Variants in LY6H observed in about 807,000 individuals in gnomAD.
The protein encoded by LY6H is lymphocyte antigen 6H.
Under a neutral mutation model 14.6 loss-of-function variants are expected in LY6H, and 8 were observed. That is an observed-to-expected ratio of 0.55 (90% CI 0.32 to 0.99). The LOEUF (loss-of-function observed/expected upper bound fraction) is 0.99. LY6H is among the 50% of genes least tolerant of loss of function. LY6H has a pLI of 0.04. For missense variants in LY6H, 196 were observed against 219.6 expected (o/e 0.89, Z 0.68); for synonymous variants, 115 against 97.2 (o/e 1.18, Z -1.08).
chr8:143,160,110 T>A, intron 1 of LY6H, 88 bp downstream of exon 1: 1 of 1,123,524 alleles, frequency 8.9e-7, no homozygotes, highest in South Asian at 4.4e-5. Flanking sequence ...CCGGGCCGAG[T>A]CCCCTCCCTT....
Position 143,158,022 on chromosome 8 carries a change from C to T in LY6H, c.*228G>A. 1 of 524,952 alleles carries T rather than the reference C, an allele frequency of 1.9e-6. No individual in the cohort carries two copies. The highest frequency in any genetic ancestry group is 3.3e-6 in the Non-Finnish European group (1 of 300,090). 32.5% of individuals were successfully genotyped at this position (524,952 alleles called of 1,614,324 possible). A position where few individuals can be genotyped will look rare whatever the true frequency, so the allele number is the denominator to read the frequency against. On this transcript the variant is annotated 3_prime_UTR_variant, in exon 4 of 4. Coordinates refer to ENST00000342752, the MANE Select transcript of LY6H (RefSeq NM_001135655.2). ...GGGGGTCCCCCCCCACCCTCATCCC[C>T]AGGCCTCCTGCCCAGATGGCCTGGT...
intron 1 of LY6H, chr8:143,159,956 G>C: frequency 8.1e-7 from 1 of 1,238,810 alleles, no homozygotes. Flanking sequence ...GAGCGGATGG[G>C]GGGCGTCCTC....
intron 3 of LY6H, 85 bp from the exon 4 acceptor site, chr8:143,158,570 G>A (rs1057111036): frequency 6.9e-6 from 9 of 1,299,542 alleles, no homozygotes; most frequent in East Asian, 2.3e-5. Flanking sequence ...AGGCCCCTCC[G>A]GGTCAGCTCG....
Position 143,158,463 on chromosome 8 carries a change from G to T in LY6H, c.273C>A (p.Asn91Lys). ...AGTCACAGGAGGAGGCACACATCTT[G>T]TTCACCGAGTGATCCTTCCTGCCTG... ...PSSSRKDHSVNKMCASSCDFV... is the reference protein window; with the variant it reads ...PSSSRKDHSVKKMCASSCDFV... The change falls in exon 4 of 4, where the codon AAC becomes AAA. Residue 91 changes from asparagine to lysine, a missense_variant. Asn to Lys is a moderately conservative substitution (Grantham distance 94, BLOSUM62 0). Coordinates refer to ENST00000342752, the MANE Select transcript of LY6H (RefSeq NM_001135655.2). The T allele has an allele frequency of 2.5e-6, 4 of 1,613,610 alleles. No homozygotes were observed. The highest frequency in any genetic ancestry group is 3.4e-6 in the Non-Finnish European group (4 of 1,179,664).
At position 143,158,104 on chromosome 8, in the gene LY6H, T is replaced by C. The variant is rs924612640; in HGVS notation, c.*146A>G. The C allele has an allele frequency of 8.2e-6, 5 of 606,092 alleles. No homozygotes were observed. The highest frequency in any genetic ancestry group is 1.5e-5 in the Non-Finnish European group (5 of 343,050). 37.5% of individuals were successfully genotyped at this position (606,092 alleles called of 1,614,324 possible). A position where few individuals can be genotyped will look rare whatever the true frequency, so the allele number is the denominator to read the frequency against. ...GAGCTGGCGGAGAGACAGGGAGGCT[T>C]CACGTCGGGGGAGGAGTGAGAGCCA... On this transcript the variant is annotated 3_prime_UTR_variant, in exon 4 of 4. Transcript: ENST00000342752.
rs1301415135 is a variant in LY6H at position 143,160,295 on chromosome 8, C to T, written c.-96G>A. 43 of 1,075,556 alleles carry T rather than the reference C, an allele frequency of 4.0e-5. No homozygotes were observed. Among genetic ancestry groups the T allele is most frequent in the Non-Finnish European group, 4.7e-5 (40 of 843,480 alleles). 66.6% of individuals were successfully genotyped at this position (1,075,556 alleles called of 1,614,324 possible). On this transcript the variant is annotated 5_prime_UTR_variant, in exon 1 of 4. Transcript: ENST00000342752. ...GCGGACCGGAATCCGGGCGCAGCCT[C>T]GTCTTTCGGGGAACGCAGCCGCAGA...
intron 2 of LY6H, chr8:143,159,357 G>A: frequency 1.8e-6 from 1 of 568,170 alleles, no homozygotes; most frequent in Non-Finnish European, 3.0e-6. Context: ...TGCGGGGCCA[G>A]CCGCCCACCA....
At position 143,158,366 on chromosome 8, in the gene LY6H, C is replaced by G. The variant is rs1255219368; in HGVS notation, c.370G>C (p.Asp124His). 1 of 1,613,924 alleles carries G rather than the reference C, an allele frequency of 6.2e-7. No individual in the cohort carries two copies. The highest frequency in any genetic ancestry group is 1.1e-5 in the South Asian group (1 of 91,084). The change falls in exon 4 of 4, where the codon GAC (aspartate) becomes CAC (histidine). Residue 124 changes from aspartate to histidine, a missense_variant. Transcript: ENST00000342752. ...TTGCACAAATCCTTCTCGCAGCAGT[C>G]CACGTCGACCTTTAAGATCCCAGAG... Reference protein sequence around the residue: ...INSGILKVDVDCCEKDLCNGA... With the variant: ...INSGILKVDVHCCEKDLCNGA...
At chr8:143,158,677 A>T in intron 3 of LY6H, 126 bp downstream of exon 3, 1 of 1,308,112 alleles carries the variant, frequency 7.6e-7, no homozygotes, top group Non-Finnish European at 1.1e-6. Flanking sequence ...ACAGCAGGAC[A>T]GTATCCTGCC....
intron 1 of LY6H, 55 bp downstream of exon 1, chr8:143,160,143 G>C (rs1815564102): frequency 8.0e-7 from 1 of 1,254,356 alleles, no homozygotes; most frequent in African/African-American, 1.5e-5. Flanking sequence ...GCGCCTCGGC[G>C]CTCACCGCGG....
At chr8:143,158,684 T>C in intron 3 of LY6H, 119 bp downstream of exon 3, 1 of 1,361,632 alleles carries the variant, frequency 7.3e-7, no homozygotes, top group East Asian at 2.3e-5. Context: ...GACAGTATCC[T>C]GCCTGCCGCC....
In LY6H at chr8:143,158,086, C is replaced by G; in HGVS notation, c.*164G>C. Reference sequence around the variant, plus strand: ...CCAGCTGCCTGGGACTCAGAGCTGGCGGAGAGACAGGGAGGCTTCACGTCG... The same window carrying G: ...CCAGCTGCCTGGGACTCAGAGCTGGGGGAGAGACAGGGAGGCTTCACGTCG... On this transcript the variant is annotated 3_prime_UTR_variant, in exon 4 of 4. Coordinates refer to ENST00000342752, the MANE Select transcript of LY6H (RefSeq NM_001135655.2). 3 of 591,938 alleles carry G rather than the reference C, an allele frequency of 5.1e-6. No homozygotes were observed. Among genetic ancestry groups the G allele is most frequent in the Non-Finnish European group, 9.0e-6 (3 of 334,452 alleles). The allele number at this position is 591,938 out of a possible 1,614,324, so 36.7% of individuals were successfully genotyped here.
At position 143,158,199 on chromosome 8, in the gene LY6H, G is replaced by T; in HGVS notation, c.*51C>A. On this transcript the variant is annotated 3_prime_UTR_variant, in exon 4 of 4. Transcript: ENST00000342752. Reference sequence around the variant, plus strand: ...GCCACGCCAGGCTGGGGAGAGGGCAGCCACAGGCTCAGGGGAGCAAGCTCA... The same window carrying T: ...GCCACGCCAGGCTGGGGAGAGGGCATCCACAGGCTCAGGGGAGCAAGCTCA... 1 of 1,382,030 alleles carries T rather than the reference G, an allele frequency of 7.2e-7. No homozygotes were observed. The highest frequency in any genetic ancestry group is 1.0e-6 in the Non-Finnish European group (1 of 1,002,394). The allele number at this position is 1,382,030 out of a possible 1,614,324, so 85.6% of individuals were successfully genotyped here.
chr8:143,158,881 A>T lies in LY6H; in HGVS notation c.172T>A (p.Ser58Thr). The T allele has an allele frequency of 6.2e-7, 1 of 1,613,010 alleles. No homozygotes were observed. Among genetic ancestry groups the T allele is most frequent in the Non-Finnish European group, 8.5e-7 (1 of 1,179,238 alleles). ...CACTGCTTTGGGGTGCAATGGCTGG[A>T]GTTGGTGGTCAGGGTGCAGTCCTGG... ...WCQDCTLTTN[S>T]SHCTPKQCQP... Residue 58 changes from serine to threonine, a missense_variant, in exon 3 of 4, where the codon TCC (serine) becomes ACC (threonine). Transcript: ENST00000342752.
chr8:143,158,927 G>A lies in LY6H; in HGVS notation c.131-5C>T. The A allele has an allele frequency of 1.2e-6, 2 of 1,613,508 alleles. No individual in the cohort carries two copies. The highest frequency in any genetic ancestry group is 2.7e-5 in the African/African-American group (2 of 75,026). On this transcript the variant is annotated splice_polypyrimidine_tract_variant and splice_region_variant and intron_variant, in intron 2 of 3. Coordinates refer to ENST00000342752, the MANE Select transcript of LY6H (RefSeq NM_001135655.2). ...CCTGGCACCACAGGCCATGAGCTGGGCAGGGCATGGGGAGGAGGGTGACCA... is the reference window on the plus strand; with the variant it reads ...CCTGGCACCACAGGCCATGAGCTGGACAGGGCATGGGGAGGAGGGTGACCA...
intron 2 of LY6H, 65 bp from the exon 3 acceptor site, chr8:143,158,987 G>A (rs759920959): frequency 2.0e-5 from 32 of 1,565,550 alleles, no homozygotes; most frequent in African/African-American, 4.1e-5. Context: ...AGCCCCCTGC[G>A]CCCCCCACCC....
intron 2 of LY6H, 121 bp from the exon 3 acceptor site, chr8:143,159,043 G>C (rs1326046840): frequency 7.3e-7 from 1 of 1,379,112 alleles, no homozygotes; most frequent in Non-Finnish European, 9.9e-7. Flanking sequence ...CCCCACGGGA[G>C]GGAGCAGGCC....
chr8:143,159,822 G>C, intron 1 of LY6H, 113 bp from the exon 2 acceptor site: 1 of 1,218,850 alleles, frequency 8.2e-7, no homozygotes, highest in Non-Finnish European at 1.1e-6. Flanking sequence ...AGCTCGCAGA[G>C]CCCCACCCCC....
Position 143,158,436 on chromosome 8 carries a change from G to T in LY6H, c.300C>A (p.Phe100Leu), listed in dbSNP as rs149200269. 1 of 1,614,002 alleles carries T rather than the reference G, an allele frequency of 6.2e-7. No individual in the cohort carries two copies. Among genetic ancestry groups the T allele is most frequent in the Non-Finnish European group, 8.5e-7 (1 of 1,179,976 alleles). ...VNKMCASSCDFVKRHFFSDYL... is the reference protein window; with the variant it reads ...VNKMCASSCDLVKRHFFSDYL... ...AGTCTGAGAAAAAGTGTCGCTTAAC[G>T]AAGTCACAGGAGGAGGCACACATCT... is the stretch of plus-strand genomic sequence containing the variant. The change falls in exon 4 of 4, where the codon TTC (phenylalanine) becomes TTA (leucine). Residue 100 changes from phenylalanine (F) to leucine (L), a missense_variant. By Grantham distance (22) the Phe-to-Leu change is conservative (BLOSUM62 0). Transcript: ENST00000342752.
Sources: gnomAD v4.1 joint callset for allele counts on GRCh38, gnomAD v4.1.1 for gene constraint, MANE v1.5 for transcripts, NCBI Gene and HGNC (gene_info 2026-07-23, HGNC 2026-07-21) for gene names.